Variants in FCN2 observed in about 807,000 individuals in gnomAD.
FCN2 encodes the protein ficolin-2.
Under a neutral mutation model 32.5 loss-of-function variants are expected in FCN2, and 31 were observed. The ratio of observed to expected loss-of-function variants is 0.96; its 90% confidence interval spans 0.72 to 1.29. The LOEUF (loss-of-function observed/expected upper bound fraction) is 1.29. FCN2 is among the 50% of genes most tolerant of loss of function. The pLI is 0.00. For synonymous variants in FCN2, 181 were observed against 164.5 expected (o/e 1.10, Z -0.77); for missense variants, 412 against 406.5 (o/e 1.01, Z -0.12).
upstream of FCN2, among the ~76,000 whole-genome samples, chr9:134,879,668 G>A (rs141536005): frequency 5.6e-3 from 847 of 152,264 alleles, 3 homozygotes; most frequent in South Asian, 0.019. Flanking sequence ...CACGGAACCC[G>A]AGGGGGGTCT....
At chr9:134,879,952 G>T (rs931428536), upstream of FCN2, among the ~76,000 whole-genome samples, 2 of 152,078 alleles carry the variant, frequency 1.3e-5, no homozygotes, top group Non-Finnish European at 2.9e-5. Flanking sequence ...CTCTAACCTG[G>T]CTCAGTCCAA....
chr9:134,870,961 G>A, the FCN2 span, among the ~76,000 whole-genome samples: 2 of 152,246 alleles, frequency 1.3e-5, no homozygotes, highest in South Asian at 2.1e-4. This position sits in a 1 kb window ranked among gnomAD's most constrained non-coding sequence, Gnocchi z 4.3. Flanking sequence ...ACCCAGAGGC[G>A]CTGCCCTCTG....
upstream of FCN2, among the ~76,000 whole-genome samples, chr9:134,877,762 G>A (rs375989213): frequency 7.7e-4 from 118 of 152,262 alleles, no homozygotes; most frequent in African/African-American, 2.7e-3. Flanking sequence ...TAGAACAGCC[G>A]GCACCCTGAG....
Position 134,885,285 on chromosome 9 carries a change from C to G in FCN2, c.348C>G (p.Ser116Arg). 1.2e-6 allele frequency: 2 copies of G among 1,614,154 alleles called. No homozygotes were observed. The highest frequency in any genetic ancestry group is 1.1e-5 in the South Asian group (1 of 91,092). Residue 116 changes from serine to arginine, a missense_variant, in exon 5 of 8, where the codon AGC (serine) becomes AGG (arginine). Physicochemically the swap from Ser to Arg is moderately radical, Grantham distance 110 (BLOSUM62 -1). Coordinates refer to ENST00000291744, the MANE Select transcript of FCN2 (RefSeq NM_004108.3). Reference protein sequence around the residue: ...KDLLDRGHFLSGWHTIYLPDC... With the variant: ...KDLLDRGHFLRGWHTIYLPDC... ...TGCTAGACCGAGGGCACTTCCTGAGCGGCTGGCACACCATCTACCTGCCCG... is the reference window on the plus strand; with the variant it reads ...TGCTAGACCGAGGGCACTTCCTGAGGGGCTGGCACACCATCTACCTGCCCG...
At chr9:134,873,489 T>C in the FCN2 span, among the ~76,000 whole-genome samples, 1 of 152,198 alleles carries the variant, frequency 6.6e-6, no homozygotes, top group African/African-American at 2.4e-5. Flanking sequence ...ACCCTAACTC[T>C]ACTGCTCCCC....
rs148036815 is a variant in FCN2, at chr9:134,880,870, C to A, written c.49C>A (p.Leu17Ile). 3 of 1,613,544 alleles carry A rather than the reference C, an allele frequency of 1.9e-6. No homozygotes were observed. The highest frequency in any genetic ancestry group is 2.5e-6 in the Non-Finnish European group (3 of 1,179,968). ...GGTCCTGGGCGCTGCCACCCTGCTG[C>A]TCTCTTTCCTGGGCATGGCCTGGGC... Reference protein sequence around the residue: ...VGVLGAATLLLSFLGMAWALQ... With the variant: ...VGVLGAATLLISFLGMAWALQ... Residue 17 changes from leucine (L) to isoleucine (I), a missense_variant, in exon 1 of 8, where the codon CTC becomes ATC. Leu to Ile is a conservative substitution (Grantham distance 5). Coordinates refer to ENST00000291744, the MANE Select transcript of FCN2 (RefSeq NM_004108.3).
chr9:134,866,722 A>AT, the FCN2 span, among the ~76,000 whole-genome samples: 1 of 137,476 alleles, frequency 7.3e-6, no homozygotes, highest in Non-Finnish European at 1.6e-5. Context: ...ATGGGAGAAA[A>AT]TTTTTGCAAC....
rs1392534609 is a variant in FCN2, at chr9:134,886,567, G to A, written c.694+3G>A. The A allele has an allele frequency of 1.2e-6, 2 of 1,614,008 alleles. No individual in the cohort carries two copies. The highest frequency in any genetic ancestry group is 1.3e-5 in the African/African-American group (1 of 74,946). On this transcript the variant is annotated splice_donor_region_variant and intron_variant, in intron 7 of 7. Coordinates refer to ENST00000291744, the MANE Select transcript of FCN2 (RefSeq NM_004108.3). ...GGCCTTCGTGGAGGGCAGTGCGGGT[G>A]AGTGTCTGCTTGGGGCTGTGTGGCC...
chr9:134,884,571 C>T (rs1301444031), intron 3 of FCN2, among the ~76,000 whole-genome samples, 169 bp from the exon 4 acceptor site: 1 of 152,166 alleles, frequency 6.6e-6, no homozygotes, highest in Non-Finnish European at 1.5e-5. Flanking sequence ...AGGCATCCCT[C>T]GAGGGAAAGA....
chr9:134,887,184 C>G lies in FCN2; in HGVS notation c.711C>G (p.Phe237Leu). Residue 237 changes from phenylalanine to leucine, a missense_variant, in exon 8 of 8, where the codon TTC becomes TTG. Phe to Leu is a conservative substitution (Grantham distance 22). Transcript: ENST00000291744. Reference protein sequence around the residue: ...VEGSAGDSLTFHNNQSFSTKD... With the variant: ...VEGSAGDSLTLHNNQSFSTKD... ...CCTGCACAGGAGATTCCCTGACGTT[C>G]CACAACAACCAGTCCTTCTCCACCA... 6.2e-7 allele frequency: 1 copy of G among 1,614,126 alleles called. No homozygotes were observed. The highest frequency in any genetic ancestry group is 8.5e-7 in the Non-Finnish European group (1 of 1,179,966).
At chr9:134,864,360 CA>C in the FCN2 span, among the ~76,000 whole-genome samples, 210 of 152,334 alleles carry the variant, frequency 1.4e-3, no homozygotes, top group African/African-American at 4.9e-3. Flanking sequence ...GCGTCCCTGC[CA>C]GGGGAAGCCA....
At chr9:134,868,043 A>G in the FCN2 span, among the ~76,000 whole-genome samples, 3 of 152,208 alleles carry the variant, frequency 2.0e-5, no homozygotes, top group African/African-American at 7.2e-5. The surrounding 1 kb of genome is among the most constrained non-coding windows in gnomAD (Gnocchi z 4.3). Flanking sequence ...GATCTGCCAC[A>G]GGACACACAG....
At chr9:134,880,977 C>A in intron 1 of FCN2, 56 bp downstream of exon 1, 1 of 1,325,040 alleles carries the variant, frequency 7.5e-7, no homozygotes, top group Non-Finnish European at 1.1e-6. Context: ...AAGCTGGCAG[C>A]TTCGTGATTG....
chr9:134,880,673 G>A (rs1830648825), upstream of FCN2: 2 of 702,880 alleles, frequency 2.8e-6, no homozygotes, highest in East Asian at 2.7e-5. Context: ...AGCAGCCCTG[G>A]AGATGATCTC....
chr9:134,879,382 T>C (rs539429777), upstream of FCN2, among the ~76,000 whole-genome samples: 1 of 152,324 alleles, frequency 6.6e-6, no homozygotes, highest in South Asian at 2.1e-4. Context: ...TCATCTAGGT[T>C]TGAAAGATGC....
Position 134,887,469 on chromosome 9 carries a change from G to A in FCN2, c.*54G>A, listed in dbSNP as rs76316648. The A allele has an allele frequency of 1.6e-5, 25 of 1,577,082 alleles. No homozygotes were observed. The highest frequency in any genetic ancestry group is 2.2e-5 in the Non-Finnish European group (25 of 1,148,776). ...TCCACACATAGTTGGTTGGGGGGTA[G>A]GGTTGGGAGCTTGGCCCTACGGTTT... is the stretch of plus-strand genomic sequence containing the variant. On this transcript the variant is annotated 3_prime_UTR_variant, in exon 8 of 8. Transcript: ENST00000291744.
At chr9:134,875,325 G>A in the FCN2 span, among the ~76,000 whole-genome samples, 427 of 152,220 alleles carry the variant, frequency 2.8e-3, no homozygotes, top group African/African-American at 9.9e-3. Context: ...GGTTTTTTGT[G>A]GATGCCCTTG....
chr9:134,869,749 G>T, the FCN2 span, among the ~76,000 whole-genome samples: 1 of 152,236 alleles, frequency 6.6e-6, no homozygotes, highest in African/African-American at 2.4e-5. Context: ...AGGCCTCCGA[G>T]GGGCTGAGGC....
At position 134,884,741 on chromosome 9, in the gene FCN2, A is replaced by G; in HGVS notation, c.270A>G (p.Gly90=). 6 of 1,613,922 alleles carry G rather than the reference A, an allele frequency of 3.7e-6. No homozygotes were observed. Among genetic ancestry groups the G allele is most frequent in the Non-Finnish European group, 5.1e-6 (6 of 1,179,900 alleles). Residue 90 remains glycine (G), a splice_region_variant and synonymous_variant, in exon 4 of 8, where the codon GGA becomes GGG. Coordinates refer to ENST00000291744, the MANE Select transcript of FCN2 (RefSeq NM_004108.3). ...GTGTCCTCTCTCATCCATGAACAGG[A>G]GCACCTGGGGAGCCCCAGCCGTGCC... ...PGKAGPPGPN[G]APGEPQPCLT... is the part of the protein sequence containing the mutation.
Sources: allele counts gnomAD v4.1 joint callset (sites outside exome capture counted in the v4.1 genomes callset), GRCh38; gene constraint gnomAD v4.1.1; non-coding constraint Gnocchi (gnomAD v3.1); transcripts MANE v1.5; gene names NCBI Gene and HGNC (gene_info 2026-07-23, HGNC 2026-07-21).